The following UNC5D variants were observed in gnomAD, a reference collection of about 807,000 sequenced individuals.
The protein encoded by UNC5D is netrin receptor UNC5D.
Under a neutral mutation model 105.4 loss-of-function variants are expected in UNC5D, and 39 were observed. That is an observed-to-expected ratio of 0.37 (90% CI 0.29 to 0.48). The LOEUF is 0.48. UNC5D is among the 20% of genes least tolerant of loss of function. The pLI is 0.98. For synonymous variants in UNC5D, 452 were observed against 450.4 expected (o/e 1.00, Z -0.04); for missense variants, 991 against 1,202.4 (o/e 0.82, Z 2.60).
intron 1 of UNC5D, among the ~76,000 whole-genome samples, chr8:35,325,315 C>T (rs1343542632): frequency 6.6e-6 from 1 of 152,150 alleles, no homozygotes; most frequent in African/African-American, 2.4e-5. Context: ...CTTGATAATG[C>T]TTAAGTGCTT....
At chr8:35,600,820 A>G (rs1434297903) in intron 4 of UNC5D, among the ~76,000 whole-genome samples, 1 of 151,834 alleles carries the variant, frequency 6.6e-6, no homozygotes, top group African/African-American at 2.4e-5. Context: ...CCCATTTGTC[A>G]ATTTTGTCTT....
chr8:35,290,862 C>T (rs1005847450), intron 1 of UNC5D, among the ~76,000 whole-genome samples: 8 of 150,780 alleles, frequency 5.3e-5, no homozygotes, highest in Admixed American at 2.6e-4. Flanking sequence ...GCAGGAGAAT[C>T]GCTTGAACCT....
intron 4 of UNC5D, among the ~76,000 whole-genome samples, chr8:35,607,018 G>A (rs568648870): frequency 6.6e-6 from 1 of 152,246 alleles, no homozygotes; most frequent in African/African-American, 2.4e-5. Flanking sequence ...CCTGTTTCTT[G>A]CCCCAGCACC....
intron 9 of UNC5D, among the ~76,000 whole-genome samples, chr8:35,725,343 T>C (rs1171635790): frequency 1.3e-5 from 2 of 152,180 alleles, no homozygotes; most frequent in African/African-American, 4.8e-5. Context: ...CATTTCTTTT[T>C]AATATTTGGC....
chr8:35,472,794 C>T (rs1036835727), intron 1 of UNC5D, among the ~76,000 whole-genome samples: 1 of 152,116 alleles, frequency 6.6e-6, no homozygotes, highest in African/African-American at 2.4e-5. Flanking sequence ...AGCTTCTCAC[C>T]TTGGACATTG....
intron 8 of UNC5D, among the ~76,000 whole-genome samples, chr8:35,709,015 T>A (rs1827775364): frequency 6.6e-6 from 1 of 152,054 alleles, no homozygotes; most frequent in Non-Finnish European, 1.5e-5. Context: ...CTTATTTCCT[T>A]CATCTCCCTT....
intron 1 of UNC5D, among the ~76,000 whole-genome samples, chr8:35,429,375 G>A (rs1385997211): frequency 6.6e-6 from 1 of 151,866 alleles, no homozygotes; most frequent in African/African-American, 2.4e-5. Flanking sequence ...AGGCATTTCA[G>A]TGAATAGTCA....
At chr8:35,591,794 C>A (rs1819192063) in intron 3 of UNC5D, among the ~76,000 whole-genome samples, 1 of 152,086 alleles carries the variant, frequency 6.6e-6, no homozygotes, top group African/African-American at 2.4e-5. Flanking sequence ...TTTCATAGAA[C>A]CGATGATAGA....
chr8:35,585,773 A>C (rs1272460285), intron 3 of UNC5D, among the ~76,000 whole-genome samples: 1 of 151,490 alleles, frequency 6.6e-6, no homozygotes, highest in Non-Finnish European at 1.5e-5. Context: ...TATAATATAT[A>C]ATAATAAGGG....
chr8:35,748,043 A>G (rs1830087829), intron 11 of UNC5D, among the ~76,000 whole-genome samples: 1 of 152,234 alleles, frequency 6.6e-6, no homozygotes, highest in African/African-American at 2.4e-5. Flanking sequence ...TGTATCTTCA[A>G]AATACTGTTT....
rs896063655 is a variant in UNC5D at position 35,792,315 on chromosome 8, A to G, written c.*1752A>G. 28 of 152,268 alleles carry G rather than the reference A, an allele frequency of 1.8e-4. No homozygotes were observed. The highest frequency in any genetic ancestry group is 6.3e-4 in the African/African-American group (26 of 41,566). The allele number at this position is 152,268 out of a possible 1,614,324, so 9.4% of individuals were successfully genotyped here. A position where few individuals can be genotyped will look rare whatever the true frequency, so the allele number is the denominator to read the frequency against. ...GGAAGAACTCTTGAATGTGTTGGCC[A>G]TTTTCTCTAACTAACATGTGGTATG... On this transcript the variant is annotated 3_prime_UTR_variant, in exon 17 of 17. Coordinates refer to ENST00000404895, the MANE Select transcript of UNC5D (RefSeq NM_080872.4).
chr8:35,446,650 T>C (rs1490706782), intron 1 of UNC5D, among the ~76,000 whole-genome samples: 1 of 152,140 alleles, frequency 6.6e-6, no homozygotes, highest in East Asian at 1.9e-4. Context: ...GTTGTTTTAA[T>C]GAAGGTTTCA....
chr8:35,655,785 G>A (rs1823692219), intron 4 of UNC5D, among the ~76,000 whole-genome samples: 1 of 152,136 alleles, frequency 6.6e-6, no homozygotes, highest in Non-Finnish European at 1.5e-5. Flanking sequence ...TATGGTGTGG[G>A]CAAGAGAGGG....
chr8:35,459,665 CA>C (rs1350490286), intron 1 of UNC5D, among the ~76,000 whole-genome samples: 1 of 152,192 alleles, frequency 6.6e-6, no homozygotes, highest in East Asian at 1.9e-4. Flanking sequence ...CATTATTCAT[CA>C]GATTAGGTGA....
chr8:35,756,566 A>T (rs539251912), intron 13 of UNC5D, among the ~76,000 whole-genome samples: 7 of 150,052 alleles, frequency 4.7e-5, no homozygotes, highest in African/African-American at 1.8e-4. Context: ...AAAAAAAAAA[A>T]AGAAAAAAAG....
At chr8:35,455,988 A>C (rs1004846168) in intron 1 of UNC5D, among the ~76,000 whole-genome samples, 14 of 152,286 alleles carry the variant, frequency 9.2e-5, no homozygotes, top group African/African-American at 3.4e-4. Flanking sequence ...TAAAAAGTGC[A>C]GGGTGGCAGT....
At chr8:35,247,560 A>G (rs1253548718) in intron 1 of UNC5D, among the ~76,000 whole-genome samples, 2 of 117,812 alleles carry the variant, frequency 1.7e-5, no homozygotes, top group South Asian at 2.2e-4. Context: ...AAATATATAT[A>G]ATATATAAAT....
intron 14 of UNC5D, among the ~76,000 whole-genome samples, chr8:35,765,484 G>A (rs60082699): frequency 0.079 from 12,095 of 152,172 alleles, 1,329 homozygotes; most frequent in African/African-American, 0.25. Context: ...TTGCTAAGAT[G>A]CATGGTAGAA....
intron 4 of UNC5D, among the ~76,000 whole-genome samples, chr8:35,665,948 C>G (rs1022776202): frequency 7.0e-6 from 1 of 143,860 alleles, no homozygotes; most frequent in Admixed American, 6.7e-5. Flanking sequence ...TAATTCCAAA[C>G]TTGGTTATAC....
Sources: allele counts gnomAD v4.1 joint callset (sites outside exome capture counted in the v4.1 genomes callset), GRCh38; gene constraint gnomAD v4.1.1; transcripts MANE v1.5; gene names NCBI Gene and HGNC (gene_info 2026-07-23, HGNC 2026-07-21).